The following SLC8A3 variants were observed in gnomAD, a reference collection of about 807,000 sequenced individuals.
The protein encoded by SLC8A3 is solute carrier family 8 member A3.
Under a neutral mutation model 65.4 loss-of-function variants are expected in SLC8A3, and 37 were observed. The ratio of observed to expected loss-of-function variants is 0.57; its 90% CI spans 0.44 to 0.74. The LOEUF is 0.74. Ranked by LOEUF, SLC8A3 falls within the 30% of genes least tolerant of loss-of-function variation. The pLI, the probability that SLC8A3 is intolerant of heterozygous loss-of-function variation, is 0.00. For synonymous variants in SLC8A3, 461 were observed against 444.5 expected, an observed-to-expected ratio of 1.04 and a Z score of -0.47; for missense variants, 1,112 against 1,172.1, an observed-to-expected ratio of 0.95 and a Z score of 0.75.
chr14:70,091,137 C>T (rs971217672), intron 2 of SLC8A3, among the ~76,000 whole-genome samples: 1 of 152,164 alleles, frequency 6.6e-6, no homozygotes, highest in Non-Finnish European at 1.5e-5. Context: ...AGGAGATGCA[C>T]GGCTTGTATA....
intron 2 of SLC8A3, among the ~76,000 whole-genome samples, chr14:70,155,613 G>T (rs1896531784): frequency 6.6e-6 from 1 of 152,178 alleles, no homozygotes; most frequent in South Asian, 2.1e-4. Flanking sequence ...TTTAAAAGTG[G>T]AATTCTATGT....
chr14:70,112,071 C>T (rs1414284997), intron 2 of SLC8A3, among the ~76,000 whole-genome samples: 4 of 152,308 alleles, frequency 2.6e-5, no homozygotes, highest in Admixed American at 2.0e-4. Context: ...CCAACTCAGA[C>T]CTCAAGCAGT....
At chr14:70,149,958 A>G (rs1033520263) in intron 2 of SLC8A3, among the ~76,000 whole-genome samples, 7 of 152,140 alleles carry the variant, frequency 4.6e-5, no homozygotes, top group Admixed American at 4.6e-4. Flanking sequence ...AAACCCAGAT[A>G]ATGACATTTC....
intron 3 of SLC8A3, 143 bp from the exon 4 acceptor site, chr14:70,052,257 T>C (rs894902347): frequency 9.9e-7 from 1 of 1,007,642 alleles, no homozygotes; most frequent in African/African-American, 1.7e-5. Context: ...TAGTGCCTTT[T>C]TTATGAAGTA....
chr14:70,118,385 C>T (rs889346672), intron 2 of SLC8A3, among the ~76,000 whole-genome samples: 2 of 152,170 alleles, frequency 1.3e-5, no homozygotes, highest in Admixed American at 1.3e-4. Context: ...GAACAAGAAC[C>T]CTTTACACCA....
At chr14:70,115,162 C>T (rs1893571121) in intron 2 of SLC8A3, among the ~76,000 whole-genome samples, 3 of 152,116 alleles carry the variant, frequency 2.0e-5, no homozygotes, top group African/African-American at 7.2e-5. Flanking sequence ...GAGAGAATTC[C>T]AGGAAGCACT....
At chr14:70,176,636 A>G (rs1362799069) in intron 1 of SLC8A3, among the ~76,000 whole-genome samples, 1 of 152,230 alleles carries the variant, frequency 6.6e-6, no homozygotes, top group East Asian at 1.9e-4. Context: ...TGGGTACCAC[A>G]AGACATTTCT....
chr14:70,174,662 GTTTTTTTTTTTT>G lies in SLC8A3; in HGVS notation c.-62-6190_-62-6179del, dbSNP rs10527244. Reference sequence around the variant, plus strand: ...CTTGGACCAAATCCGTTTTTTTTTTGTTTTTTTTTTTTTTTTTTTTTTTTTTTTGCCTATTAA... The same window carrying G: ...CTTGGACCAAATCCGTTTTTTTTTTGTTTTTTTTTTTTTTTTGCCTATTAA... On this transcript the variant is annotated intron_variant, in intron 1 of 6. Coordinates refer to ENST00000356921, the MANE Select transcript of SLC8A3 (RefSeq NM_182932.3). Among the ~76,000 whole-genome samples the G allele has an allele frequency of 6.0e-5, 4 of 66,516 alleles. No individual in the cohort carries two copies. In the Admixed American group the frequency reaches 6.6e-4, roughly 11 times the overall value. 43.6% of individuals were successfully genotyped at this position (66,516 alleles called of 152,430 possible). A position where few individuals can be genotyped will look rare whatever the true frequency, so the allele number is the denominator to read the frequency against.
intron 2 of SLC8A3, among the ~76,000 whole-genome samples, chr14:70,090,550 T>A (rs1233648965): frequency 6.6e-6 from 1 of 152,220 alleles, no homozygotes; most frequent in Non-Finnish European, 1.5e-5. Flanking sequence ...AGTTGAAATA[T>A]AAACATAAAG....
intron 2 of SLC8A3, among the ~76,000 whole-genome samples, chr14:70,156,576 C>T (rs1273092499): frequency 6.6e-6 from 1 of 152,206 alleles, no homozygotes; most frequent in African/African-American, 2.4e-5. Flanking sequence ...TTTTCCACCC[C>T]AGTCCTATGC....
chr14:70,107,049 G>T (rs1163481123), intron 2 of SLC8A3, among the ~76,000 whole-genome samples: 3 of 152,164 alleles, frequency 2.0e-5, no homozygotes, highest in Non-Finnish European at 4.4e-5. Context: ...GTTTAGAGGG[G>T]TAAGAGTAAC....
intron 2 of SLC8A3, among the ~76,000 whole-genome samples, chr14:70,116,364 T>TGC (rs1893664907): frequency 6.6e-6 from 1 of 151,886 alleles, no homozygotes; most frequent in African/African-American, 2.4e-5. Context: ...TGTATGTGTG[T>TGC]GCACGTTTGT....
At chr14:70,179,204 T>TC (rs1423339486) in intron 1 of SLC8A3, among the ~76,000 whole-genome samples, 3 of 152,156 alleles carry the variant, frequency 2.0e-5, no homozygotes, top group African/African-American at 7.2e-5. Context: ...TGAGAGGCTT[T>TC]CCCCCGCCCA....
intron 3 of SLC8A3, among the ~76,000 whole-genome samples, chr14:70,052,630 G>T (rs1283624581): frequency 1.3e-5 from 2 of 152,082 alleles, no homozygotes; most frequent in Non-Finnish European, 2.9e-5. Flanking sequence ...TTTCCACTTT[G>T]GCTGATGAGT....
intron 2 of SLC8A3, among the ~76,000 whole-genome samples, chr14:70,101,412 T>C (rs1180802197): frequency 2.0e-5 from 3 of 151,758 alleles, no homozygotes; most frequent in African/African-American, 4.8e-5. Context: ...AAAAACCTGG[T>C]GGTAGAAGTT....
intron 2 of SLC8A3, among the ~76,000 whole-genome samples, chr14:70,086,659 C>T (rs1891469213): frequency 6.6e-6 from 1 of 152,084 alleles, no homozygotes; most frequent in Non-Finnish European, 1.5e-5. Flanking sequence ...CCCCCTCAGC[C>T]TCCCAAAGTG....
At chr14:70,122,015 A>G (rs1024441968) in intron 2 of SLC8A3, among the ~76,000 whole-genome samples, 10 of 152,138 alleles carry the variant, frequency 6.6e-5, no homozygotes, top group African/African-American at 2.2e-4. Context: ...TTAAGAATTC[A>G]GACTCACTTA....
intron 2 of SLC8A3, among the ~76,000 whole-genome samples, chr14:70,150,050 G>C (rs1399220065): frequency 6.6e-6 from 1 of 152,090 alleles, no homozygotes; most frequent in African/African-American, 2.4e-5. Context: ...CCGGGATTGG[G>C]GAGGGAATAC....
chr14:70,121,259 A>G (rs1356177001), intron 2 of SLC8A3, among the ~76,000 whole-genome samples: 1 of 152,120 alleles, frequency 6.6e-6, no homozygotes, highest in Non-Finnish European at 1.5e-5. Flanking sequence ...ATTCTGAGTC[A>G]TGGCCTTGGA....
Sources: gnomAD v4.1 joint callset for allele counts (sites outside exome capture counted in the v4.1 genomes callset) on GRCh38, gnomAD v4.1.1 for gene constraint, MANE v1.5 for transcripts, NCBI Gene and HGNC (gene_info 2026-07-23, HGNC 2026-07-21) for gene names.